The following PLEC variants were observed in gnomAD, a reference collection of about 807,000 sequenced individuals.
PLEC encodes the protein hemidesmosomal protein 1.
A neutral mutation model predicts 392.8 loss-of-function variants in PLEC; 216 were observed. That is an observed-to-expected ratio of 0.55 (90% CI 0.49 to 0.62). PLEC has a LOEUF of 0.62. PLEC is among the 20% of genes least tolerant of loss of function. The probability of loss-of-function intolerance (pLI) is 0.00; values close to 1 mark genes in which losing one functional copy is unlikely to be tolerated. For synonymous variants in PLEC, 3,621 were observed against 2,980.6 expected, an observed-to-expected ratio of 1.21 and a Z score of -7.00; for missense variants, 6,863 against 6,563.4, an observed-to-expected ratio of 1.05 and a Z score of -1.58.
rs1554711362 is a variant in PLEC, at chr8:143,929,589, G to A, written c.2924-18C>T. 1 of 1,611,836 alleles carries A rather than the reference G, an allele frequency of 6.2e-7. No homozygotes were observed. The highest frequency in any genetic ancestry group is 8.5e-7 in the Non-Finnish European group (1 of 1,179,874). On this transcript the variant is annotated intron_variant, in intron 23 of 31. Coordinates refer to ENST00000345136, the MANE Select transcript of PLEC (RefSeq NM_201384.3). ...CTGTGCACCTGGGGAACACATGTGG[G>A]TCACTCCACCGCCCACCTCGCACCA...
Position 143,922,366 on chromosome 8 carries a change from C to A in PLEC, c.7455G>T (p.Leu2485=), listed in dbSNP as rs781873617. The A allele has an allele frequency of 2.5e-6, 4 of 1,603,466 alleles. No homozygotes were observed. In the East Asian group the frequency reaches 6.7e-5, roughly 27 times the overall value. ...TTTGCTGCAGGGCCTGCGTCTCCTG[C>A]AGCAGCTGCTCCTGCTGCACCGTCT... is the stretch of plus-strand genomic sequence containing the variant. The part of the protein sequence containing the change: ...EMQTVQQEQL[L]QETQALQQSF... The change falls in exon 32 of 32, where the codon CTG becomes CTT. Residue 2485 remains leucine, a synonymous_variant. Transcript: ENST00000345136.
Position 143,922,736 on chromosome 8 carries a change from C to T in PLEC, c.7193G>A (p.Arg2398His), listed in dbSNP as rs368343687. 83 of 1,611,022 alleles carry T rather than the reference C, an allele frequency of 5.2e-5. No homozygotes were observed. The East Asian group carries it at 7.1e-4, about 14-fold the overall frequency. ...RVAEMSRAQA[R>H]AEEDAQRFRK... ...GAAGCGCTGGGCGTCCTCCTCAGCG[C>T]GGGCCTGGGCTCGGCTCATCTCGGC... Residue 2398 changes from arginine (R) to histidine (H), a missense_variant, in exon 31 of 32, where the codon CGC becomes CAC. Transcript: ENST00000345136.
At position 143,920,589 on chromosome 8, in the gene PLEC, CG is replaced by C. The variant is rs2131089159; in HGVS notation, c.9231del (p.Val3078TrpfsTer25). 6.2e-7 allele frequency: 1 copy of C among 1,610,184 alleles called. No individual in the cohort carries two copies. Among genetic ancestry groups the C allele is most frequent in the Admixed American group, 1.7e-5 (1 of 60,012 alleles). ...AGGCCAGCACGCACTGCCTCGTCCA[CG>C]GTCAGCCGGGCGCTGGTGGCGGGGT... Reference protein sequence around the residue: ...IIDPATSARLTVDEAVRAGLV... With the variant: ...IIDPATSARLXVDEAVRAGLV... On this transcript the variant is annotated frameshift_variant, in exon 32 of 32. Coordinates refer to ENST00000345136, the MANE Select transcript of PLEC (RefSeq NM_201384.3). LOFTEE classifies it high-confidence loss of function.
chr8:143,925,138 C>A lies in PLEC; in HGVS notation c.4791G>T (p.Gln1597His). The change falls in exon 31 of 32, where the codon CAG (glutamine) becomes CAT (histidine). Residue 1597 changes from glutamine (Q) to histidine (H), a missense_variant. Physicochemically the swap from Gln to His is conservative, Grantham distance 24. Coordinates refer to ENST00000345136, the MANE Select transcript of PLEC (RefSeq NM_201384.3). ...GCTGTGCCACAGCCACGTGTTCCTC[C>A]TGCAGGGAGCGCTCCAGCTGTGCCG... is the stretch of plus-strand genomic sequence containing the variant. ...EKTAQLERSL[Q>H]EEHVAVAQLR... 6.4e-7 allele frequency: 1 copy of A among 1,558,632 alleles called. No individual in the cohort carries two copies. Among genetic ancestry groups the A allele is most frequent in the Non-Finnish European group, 8.6e-7 (1 of 1,160,170 alleles).
chr8:143,973,518 G>T lies in PLEC; in HGVS notation c.-46C>A. 1 of 1,323,076 alleles carries T rather than the reference G, an allele frequency of 7.6e-7. No homozygotes were observed. The allele number at this position is 1,323,076 out of a possible 1,614,324, so 82.0% of individuals were successfully genotyped here. On this transcript the variant is annotated 5_prime_UTR_variant, in exon 1 of 32. Transcript: ENST00000356346. This position sits in a 1 kb window ranked among gnomAD's most constrained non-coding sequence, Gnocchi z 5.6. ...GGGTGCAGCGGAGCCTCCAGCACCC[G>T]GCGGCCACTCTGTCCCCGCGGCCGC...
intron 1 of PLEC, among the ~76,000 whole-genome samples, chr8:143,959,868 C>T (rs1016767661): frequency 8.6e-5 from 13 of 152,030 alleles, no homozygotes; most frequent in Admixed American, 7.2e-4. Flanking sequence ...TGGTGGCGGG[C>T]GCCTGTAGTC....
chr8:143,951,092 G>A (rs1007363801), upstream of PLEC, among the ~76,000 whole-genome samples: 5 of 152,200 alleles, frequency 3.3e-5, no homozygotes, highest in Admixed American at 1.3e-4. Context: ...AGGCCCCACG[G>A]CTCCAACGTC....
intron 1 of PLEC, among the ~76,000 whole-genome samples, chr8:143,968,077 G>A (rs1435281303): frequency 6.6e-6 from 1 of 151,694 alleles, no homozygotes; most frequent in Non-Finnish European, 1.5e-5. Flanking sequence ...GCAATGAGCT[G>A]AGATCATGCC....
chr8:143,934,011 G>A lies in PLEC; in HGVS notation c.1250C>T (p.Ala417Val). The change falls in exon 12 of 32, where the codon GCC (alanine) becomes GTC (valine). Residue 417 changes from alanine (A) to valine (V), a missense_variant. Ala to Val is a moderately conservative substitution (Grantham distance 64). Transcript: ENST00000345136. ...LCEEQLNQAD[A>V]LLQSDVRLLA... ...ACACCCCCTCACCGACTGCAGCAGG[G>A]CGTCGGCCTGGTTCAGCTGCTCCTC... 3 of 1,607,568 alleles carry A rather than the reference G, an allele frequency of 1.9e-6. No individual in the cohort carries two copies. Among genetic ancestry groups the A allele is most frequent in the East Asian group, 2.2e-5 (1 of 44,680 alleles).
At chr8:143,936,888 G>T in intron 5 of PLEC, 91 bp downstream of exon 5, 1 of 1,030,104 alleles carries the variant, frequency 9.7e-7, no homozygotes, top group Non-Finnish European at 1.5e-6. Context: ...CCACGCCCTA[G>T]CCAGAAAGCG....
At chr8:143,944,082 C>A, upstream of PLEC, 1 of 759,328 alleles carries the variant, frequency 1.3e-6, no homozygotes, top group Non-Finnish European at 2.0e-6. Flanking sequence ...CTCCTCCTCC[C>A]TCCGCGGGTC....
rs543854572 is a variant in PLEC, at chr8:143,973,186, G to A, written c.70+217C>T. Among the ~76,000 whole-genome samples the A allele has an allele frequency of 2.9e-5, 4 of 138,860 alleles. No homozygotes were observed. Among genetic ancestry groups the A allele is most frequent in the South Asian group, 5.4e-4 (2 of 3,708 alleles). 91.1% of individuals were successfully genotyped at this position (138,860 alleles called of 152,430 possible). On this transcript the variant is annotated intron_variant, in intron 1 of 31. Transcript: ENST00000356346. The surrounding 1 kb of genome is among the most constrained non-coding windows in gnomAD (Gnocchi z 5.6). Reference sequence around the variant, plus strand: ...GCGGCCCACCCCACCCACCCGAGCCGCGCGATGCCCTATTAAGGGCATGGC... The same window carrying A: ...GCGGCCCACCCCACCCACCCGAGCCACGCGATGCCCTATTAAGGGCATGGC...
Position 143,920,302 on chromosome 8 carries a change from T to G in PLEC, c.9519A>C (p.Ala3173=). 1 of 1,590,568 alleles carries G rather than the reference T, an allele frequency of 6.3e-7. No homozygotes were observed. The highest frequency in any genetic ancestry group is 8.5e-7 in the Non-Finnish European group (1 of 1,174,564). The change falls in exon 32 of 32, where the codon GCA becomes GCC. Residue 3173 remains alanine, a synonymous_variant. Transcript: ENST00000345136. ...LDEETSRALS[A]PRADAKAYSD... Reference sequence around the variant, plus strand: ...TGTAGGCCTTGGCGTCGGCCCTTGGTGCCGACAGGGCCCTGCTGGTCTCCT... The same window carrying G: ...TGTAGGCCTTGGCGTCGGCCCTTGGGGCCGACAGGGCCCTGCTGGTCTCCT...
At chr8:143,964,465 T>C (rs1554741653) in intron 1 of PLEC, among the ~76,000 whole-genome samples, 1 of 152,018 alleles carries the variant, frequency 6.6e-6, no homozygotes, top group Non-Finnish European at 1.5e-5. Context: ...AGGCCGACAC[T>C]GGAGTGATGC....
At chr8:143,942,196 GACAA>G (rs1207143653), upstream of PLEC, among the ~76,000 whole-genome samples, 9 of 150,988 alleles carry the variant, frequency 6.0e-5, no homozygotes, top group Admixed American at 5.9e-4. Context: ...CTTCTCTAGA[GACAA>G]ACAAATGGGG....
chr8:143,946,425 C>T (rs782601483), intron 1 of PLEC: 34 of 1,284,918 alleles, frequency 2.6e-5, no homozygotes, highest in African/African-American at 3.1e-5. Context: ...CTCCGAGAGC[C>T]GGCAGGGAGG....
rs1554702535 is a variant in PLEC at position 143,925,432 on chromosome 8, C to T, written c.4497G>A (p.Leu1499=). Residue 1499 remains leucine (L), a synonymous_variant, in exon 31 of 32, where the codon TTG becomes TTA. Coordinates refer to ENST00000345136, the MANE Select transcript of PLEC (RefSeq NM_201384.3). ...GGCTCTCGTCCTGCACCTGCCTCCG[C>T]AAGCGCTCGGCCTCCTCCTGCGCCT... ...KRQAQEEAER[L]RRQVQDESQR... 1 of 1,595,352 alleles carries T rather than the reference C, an allele frequency of 6.3e-7. No individual in the cohort carries two copies. The highest frequency in any genetic ancestry group is 2.2e-5 in the East Asian group (1 of 44,804).
At position 143,924,394 on chromosome 8, in the gene PLEC, G is replaced by T; in HGVS notation, c.5535C>A (p.Ala1845=). The T allele has an allele frequency of 6.3e-7, 1 of 1,595,016 alleles. No homozygotes were observed. Among genetic ancestry groups the T allele is most frequent in the Non-Finnish European group, 8.5e-7 (1 of 1,177,906 alleles). ...TCTCCGCCTCCGTCTTGAGCCGCGT[G>T]GCCTCGCCGATGGCGGCCAGCTTCT... ...LAEKLAAIGE[A]TRLKTEAEIA... Residue 1845 remains alanine, a synonymous_variant, in exon 31 of 32, where the codon GCC becomes GCA. Transcript: ENST00000345136.
chr8:143,932,493 C>G lies in PLEC; in HGVS notation c.1884G>C (p.Glu628Asp). Residue 628 changes from glutamate to aspartate, a missense_variant, in exon 16 of 32, where the codon GAG becomes GAC. Coordinates refer to ENST00000345136, the MANE Select transcript of PLEC (RefSeq NM_201384.3). ...CCTCCTTCTCATTCAGCCACATTAG[C>G]TCCTTAGTGGCGGCTGCCACAAAGC... ...LHSFVAAATKELMWLNEKEEE... is the reference protein window; with the variant it reads ...LHSFVAAATKDLMWLNEKEEE... 6.2e-7 allele frequency: 1 copy of G among 1,612,684 alleles called. No homozygotes were observed. Among genetic ancestry groups the G allele is most frequent in the Non-Finnish European group, 8.5e-7 (1 of 1,179,974 alleles).
Sources: allele counts gnomAD v4.1 joint callset (sites outside exome capture counted in the v4.1 genomes callset), GRCh38; gene constraint gnomAD v4.1.1; non-coding constraint Gnocchi (gnomAD v3.1); transcripts MANE v1.5; gene names NCBI Gene and HGNC (gene_info 2026-07-23, HGNC 2026-07-21).